ZNF892: variants seen among roughly 807,000 people sequenced by gnomAD.
The protein encoded by ZNF892 is zinc finger protein 892.
the ZNF892 span, among the ~76,000 whole-genome samples, chr2:95,233,289 T>C: frequency 9.2e-5 from 14 of 151,486 alleles, no homozygotes; most frequent in Admixed American, 3.9e-4. Context: ...GGTTTAGAAC[T>C]CCGGGGCTCA....
the ZNF892 span, among the ~76,000 whole-genome samples, chr2:95,240,590 A>T: frequency 1.4e-3 from 214 of 152,330 alleles, 1 homozygote; most frequent in South Asian, 5.8e-3. Context: ...TGGGATCCCC[A>T]GCAAGGCGGG....
the ZNF892 span, among the ~76,000 whole-genome samples, chr2:95,219,354 C>T: frequency 6.6e-6 from 1 of 152,088 alleles, no homozygotes; most frequent in Admixed American, 6.6e-5. Context: ...TTCCCTCTGT[C>T]CTTTTGATTC....
chr2:95,250,537 T>G, the ZNF892 span, among the ~76,000 whole-genome samples: 2 of 147,576 alleles, frequency 1.4e-5, no homozygotes, highest in Admixed American at 1.4e-4. Flanking sequence ...ACTTATAAAT[T>G]TATAAATTTA....
chr2:95,215,267 C>T, the ZNF892 span: 2 of 471,020 alleles, frequency 4.2e-6, no homozygotes, highest in Non-Finnish European at 7.6e-6. Context: ...AGAGGACTCA[C>T]ACTGGGGAGA....
At chr2:95,208,494 A>G in the ZNF892 span, among the ~76,000 whole-genome samples, 1 of 152,200 alleles carries the variant, frequency 6.6e-6, no homozygotes, top group Non-Finnish European at 1.5e-5. Flanking sequence ...TGAGACAGCA[A>G]TGGTCAAGGT....
chr2:95,255,291 T>C, the ZNF892 span, among the ~76,000 whole-genome samples: 12 of 152,222 alleles, frequency 7.9e-5, no homozygotes, highest in African/African-American at 2.7e-4. Context: ...TTTGTTCTCG[T>C]TGGTTTCAAA....
the ZNF892 span, among the ~76,000 whole-genome samples, chr2:95,213,024 C>G: frequency 6.6e-6 from 1 of 152,228 alleles, no homozygotes; most frequent in African/African-American, 2.4e-5. Flanking sequence ...GCTAATTATA[C>G]TTTCTTTTAC....
At chr2:95,221,596 G>T in the ZNF892 span, among the ~76,000 whole-genome samples, 1 of 151,994 alleles carries the variant, frequency 6.6e-6, no homozygotes, top group Admixed American at 6.5e-5. Flanking sequence ...AAAGTTGTAG[G>T]TTTTTCTAAA....
At chr2:95,258,375 C>A in the ZNF892 span, among the ~76,000 whole-genome samples, 1 of 152,160 alleles carries the variant, frequency 6.6e-6, no homozygotes, top group South Asian at 2.1e-4. Context: ...CTAAGCTGAT[C>A]CTGATTGGCT....
chr2:95,256,867 G>T, the ZNF892 span, among the ~76,000 whole-genome samples: 3 of 152,026 alleles, frequency 2.0e-5, no homozygotes, highest in South Asian at 2.1e-4. Flanking sequence ...GATGGAATTG[G>T]CTACTGAGGC....
At chr2:95,217,009 T>C in the ZNF892 span, among the ~76,000 whole-genome samples, 1 of 152,214 alleles carries the variant, frequency 6.6e-6, no homozygotes, top group African/African-American at 2.4e-5. Flanking sequence ...AAAAAATATG[T>C]ATTTCTAACA....
At chr2:95,256,992 T>C in the ZNF892 span, among the ~76,000 whole-genome samples, 1 of 152,184 alleles carries the variant, frequency 6.6e-6, no homozygotes, top group East Asian at 1.9e-4. Context: ...TTTTCAAGGT[T>C]TTTAACTTCT....
At chr2:95,246,719 A>G in the ZNF892 span, among the ~76,000 whole-genome samples, 259 of 152,296 alleles carry the variant, frequency 1.7e-3, no homozygotes, top group Non-Finnish European at 2.2e-3. Flanking sequence ...CCAACAACAG[A>G]CTAGCAGAGA....
the ZNF892 span, among the ~76,000 whole-genome samples, chr2:95,216,260 A>C: frequency 6.6e-6 from 1 of 152,254 alleles, no homozygotes; most frequent in Non-Finnish European, 1.5e-5. Context: ...TGTTGGCTGC[A>C]GGGTAATGCA....
chr2:95,224,506 G>A, the ZNF892 span, among the ~76,000 whole-genome samples: 6 of 152,236 alleles, frequency 3.9e-5, no homozygotes, highest in Middle Eastern at 6.8e-3. Context: ...GGGGAAACAG[G>A]CTCATCTTAC....
chr2:95,229,609 C>G, the ZNF892 span, among the ~76,000 whole-genome samples: 2 of 152,158 alleles, frequency 1.3e-5, no homozygotes, highest in Non-Finnish European at 2.9e-5. Flanking sequence ...TTGTATGATT[C>G]AACCATTCTG....
At chr2:95,241,185 C>T in the ZNF892 span, among the ~76,000 whole-genome samples, 1 of 152,164 alleles carries the variant, frequency 6.6e-6, no homozygotes, top group Admixed American at 6.5e-5. Context: ...TTAAGTGGAT[C>T]CCTAATCCCA....
the ZNF892 span, among the ~76,000 whole-genome samples, chr2:95,229,330 G>A: frequency 1.3e-5 from 2 of 152,114 alleles, no homozygotes; most frequent in Non-Finnish European, 2.9e-5. Context: ...GTATATGCTT[G>A]GTGAATTTTT....
At chr2:95,240,683 C>T in the ZNF892 span, among the ~76,000 whole-genome samples, 1 of 152,218 alleles carries the variant, frequency 6.6e-6, no homozygotes, top group Non-Finnish European at 1.5e-5. Context: ...ACTTCCATGG[C>T]ATCTCTTAAG....
Sources: allele counts gnomAD v4.1 joint callset (sites outside exome capture counted in the v4.1 genomes callset), GRCh38; gene constraint gnomAD v4.1.1; transcripts MANE v1.5; gene names NCBI Gene and HGNC (gene_info 2026-07-23, HGNC 2026-07-21).